The following ABLIM2 variants were observed in gnomAD, a reference collection of about 807,000 sequenced individuals.
ABLIM2 encodes actin-binding LIM protein 2.
ABLIM2 carries 53 observed loss-of-function variants against 97.7 expected under a neutral mutation model. The ratio of observed to expected loss-of-function variants is 0.54; its 90% CI spans 0.44 to 0.68. The LOEUF is 0.68. Among genes scored for constraint, ABLIM2 ranks in the 30% least tolerant of loss-of-function variants. The pLI is 0.00. For missense variants in ABLIM2, 835 were observed against 867.2 expected (o/e 0.96, Z 0.47); for synonymous variants, 361 against 345.8 (o/e 1.04, Z -0.49).
chr4:8,044,663 CACAG>C lies in ABLIM2; in HGVS notation c.900+497_900+500del, dbSNP rs375441786. On this transcript the variant is annotated intron_variant, in intron 9 of 20. Coordinates refer to ENST00000447017, the MANE Select transcript of ABLIM2 (RefSeq NM_001130083.2). This position sits in a 1 kb window ranked among gnomAD's most constrained non-coding sequence, Gnocchi z 4.4. ...ACAGACACACACACACACACACACACACAGAGTCTCTCTCTCTCTCTCTCTCTCG... is the reference window on the plus strand; with the variant it reads ...ACAGACACACACACACACACACACACAGTCTCTCTCTCTCTCTCTCTCTCG... 0.2 allele frequency among the ~76,000 whole-genome samples: 28,510 copies of C among 140,188 alleles called. 2,746 individuals are homozygous for C. The highest frequency in any genetic ancestry group is 0.32 in the Middle Eastern group (85 of 262). 92.0% of individuals were successfully genotyped at this position (140,188 alleles called of 152,430 possible).
In ABLIM2 at chr4:7,998,731, G is replaced by A. The variant is rs1215356273; in HGVS notation, c.1619-5804C>T. On this transcript the variant is annotated intron_variant, in intron 16 of 20. Coordinates refer to ENST00000447017, the MANE Select transcript of ABLIM2 (RefSeq NM_001130083.2). This position sits in a 1 kb window ranked among gnomAD's most constrained non-coding sequence, Gnocchi z 6.4. ...CTCCTGCCACTGCATGGGAGGCTGG[G>A]AGTCTGCTGGCCTGGGCCACCTCCT... The A allele has an allele frequency of 4.6e-5, 22 of 478,000 alleles. No homozygotes were observed. The Admixed American group carries it at 4.8e-4, about 10-fold the overall frequency. 29.6% of individuals were successfully genotyped at this position (478,000 alleles called of 1,614,324 possible). A position where few individuals can be genotyped will look rare whatever the true frequency, so the allele number is the denominator to read the frequency against.
intron 20 of ABLIM2, 69 bp downstream of exon 20, chr4:7,983,195 A>G: frequency 6.6e-7 from 1 of 1,505,868 alleles, no homozygotes; most frequent in Non-Finnish European, 9.1e-7. Context: ...CCTTGACACC[A>G]CGGAGGAGGC....
intron 14 of ABLIM2, among the ~76,000 whole-genome samples, chr4:8,010,122 CA>C (rs1387394405): frequency 6.6e-6 from 1 of 152,240 alleles, no homozygotes; most frequent in Non-Finnish European, 1.5e-5. Context: ...CATTTTGCAA[CA>C]GTTCCTTTAC....
At chr4:8,008,993 A>G (rs991113298) in intron 15 of ABLIM2, 57 bp downstream of exon 15, 24 of 1,603,480 alleles carry the variant, frequency 1.5e-5, no homozygotes, top group East Asian at 1.3e-4. Context: ...AGCCCTCACA[A>G]AAGCAATTTC....
At chr4:7,976,277 T>C (rs568044109) in intron 20 of ABLIM2, among the ~76,000 whole-genome samples, 20 of 152,232 alleles carry the variant, frequency 1.3e-4, no homozygotes, top group African/African-American at 4.6e-4. Flanking sequence ...CCCCTTCGAC[T>C]TCCCACAGAT....
intron 14 of ABLIM2, chr4:8,010,682 G>A (rs1044185019): frequency 4.6e-5 from 36 of 776,958 alleles, no homozygotes; most frequent in African/African-American, 1.9e-4. Flanking sequence ...AAAATACAAA[G>A]CCCTGCTCTC....
Position 8,033,703 on chromosome 4 carries a change from G to A in ABLIM2, c.1047+2446C>T, listed in dbSNP as rs1389734379. Among the ~76,000 whole-genome samples the A allele has an allele frequency of 6.6e-6, 1 of 152,216 alleles. No individual in the cohort carries two copies. The highest frequency in any genetic ancestry group is 1.5e-5 in the Non-Finnish European group (1 of 68,032). ...TCCTGCCCCTTCTCTGCCCTCTGGGGACAGGTCCTGGGGTCAGGATCATCC... is the reference window on the plus strand; with the variant it reads ...TCCTGCCCCTTCTCTGCCCTCTGGGAACAGGTCCTGGGGTCAGGATCATCC... On this transcript the variant is annotated intron_variant, in intron 10 of 20. Transcript: ENST00000447017. The surrounding 1 kb of genome is among the most constrained non-coding windows in gnomAD (Gnocchi z 4.5).
chr4:8,014,734 T>C (rs1050222090), intron 14 of ABLIM2, among the ~76,000 whole-genome samples: 1 of 152,134 alleles, frequency 6.6e-6, no homozygotes, highest in Admixed American at 6.6e-5. Context: ...CTTAAATCCC[T>C]CCATGCTGGG....
intron 16 of ABLIM2, chr4:8,007,672 C>T: frequency 9.9e-7 from 1 of 1,007,988 alleles, no homozygotes; most frequent in Non-Finnish European, 1.2e-6. Flanking sequence ...TCACCAACTC[C>T]AAGTCTGCAC....
chr4:8,048,764 A>T (rs1794183298), intron 8 of ABLIM2, among the ~76,000 whole-genome samples: 1 of 151,988 alleles, frequency 6.6e-6, no homozygotes, highest in Non-Finnish European at 1.5e-5. Flanking sequence ...TCCAAAGGAG[A>T]CCCACCTTGG....
chr4:8,050,856 T>C (rs1795562863), intron 8 of ABLIM2, among the ~76,000 whole-genome samples: 1 of 152,216 alleles, frequency 6.6e-6, no homozygotes, highest in Non-Finnish European at 1.5e-5. Flanking sequence ...CGCCGCCTCC[T>C]CCCTGTGTTG....
Position 8,158,665 on chromosome 4 carries a change from G to T in ABLIM2, c.10+15C>A. ...AGCGCGGGGACCCGTTGGTCCCTCG[G>T]TCCCCAGCACCCACCTGCACTCATC... is the stretch of plus-strand genomic sequence containing the variant. On this transcript the variant is annotated intron_variant, in intron 1 of 20. Coordinates refer to ENST00000447017, the MANE Select transcript of ABLIM2 (RefSeq NM_001130083.2). 1 of 1,503,738 alleles carries T rather than the reference G, an allele frequency of 6.7e-7. No individual in the cohort carries two copies. The highest frequency in any genetic ancestry group is 8.8e-7 in the Non-Finnish European group (1 of 1,131,286). 93.1% of individuals were successfully genotyped at this position (1,503,738 alleles called of 1,614,324 possible).
chr4:8,127,575 G>A lies in ABLIM2; in HGVS notation c.11-20938C>T. 1 of 1,289,790 alleles carries A rather than the reference G, an allele frequency of 7.8e-7. No homozygotes were observed. The highest frequency in any genetic ancestry group is 1.5e-5 in the African/African-American group (1 of 65,978). The allele number at this position is 1,289,790 out of a possible 1,614,324, so 79.9% of individuals were successfully genotyped here. ...TGTCTCCCCCTGGCACCCCCATGGA[G>A]CGTGGCTGCTTGCAAAGGGCCAGCG... is the stretch of plus-strand genomic sequence containing the variant. On this transcript the variant is annotated intron_variant, in intron 1 of 20. Transcript: ENST00000447017. This position sits in a 1 kb window ranked among gnomAD's most constrained non-coding sequence, Gnocchi z 7.3.
rs564629996 is a variant in ABLIM2 at position 8,140,147 on chromosome 4, G to A, written c.10+18533C>T. ...GCATCAGGATAAATAGCTAATGCAC[G>A]CAGGGCTCAATACCTTGGTGTGGGT... On this transcript the variant is annotated intron_variant, in intron 1 of 20. Coordinates refer to ENST00000447017, the MANE Select transcript of ABLIM2 (RefSeq NM_001130083.2). The surrounding 1 kb of genome is among the most constrained non-coding windows in gnomAD (Gnocchi z 5.9). Among the ~76,000 whole-genome samples, 9 of 151,942 alleles carry A rather than the reference G, an allele frequency of 5.9e-5. No homozygotes were observed. The highest frequency in any genetic ancestry group is 1.0e-4 in the Non-Finnish European group (7 of 67,988).
intron 9 of ABLIM2, among the ~76,000 whole-genome samples, chr4:8,036,812 C>T (rs572454296): frequency 2.2e-4 from 33 of 152,276 alleles, no homozygotes; most frequent in East Asian, 9.6e-4. Context: ...TGTACATGCA[C>T]GCACACGTAC....
rs760531559 is a variant in ABLIM2 at position 7,983,514 on chromosome 4, C to T, written c.1743+33G>A. The T allele has an allele frequency of 8.1e-6, 13 of 1,612,552 alleles. No individual in the cohort carries two copies. In the Middle Eastern group the frequency reaches 8.2e-4, roughly 102 times the overall value. On this transcript the variant is annotated intron_variant, in intron 19 of 20. Coordinates refer to ENST00000447017, the MANE Select transcript of ABLIM2 (RefSeq NM_001130083.2). ...TTTAACCTGGGCAGGTGTGGCGCGG[C>T]ACGGAGGTCAGTGTGGGAGCGGCCC...
At chr4:8,059,330 A>G (rs1801384489) in intron 7 of ABLIM2, among the ~76,000 whole-genome samples, 1 of 151,974 alleles carries the variant, frequency 6.6e-6, no homozygotes, top group Admixed American at 6.6e-5. Context: ...CAGACTCAGA[A>G]AAGCATTGAA....
At chr4:8,111,607 C>T (rs1561489947) in intron 1 of ABLIM2, among the ~76,000 whole-genome samples, 1 of 152,148 alleles carries the variant, frequency 6.6e-6, no homozygotes, top group East Asian at 1.9e-4. Context: ...AAGAGATGCT[C>T]TGAGAAATAA....
chr4:8,106,587 C>T lies in ABLIM2; in HGVS notation c.61G>A (p.Ala21Thr). 6.2e-7 allele frequency: 1 copy of T among 1,611,730 alleles called. No homozygotes were observed. Among genetic ancestry groups the T allele is most frequent in the Non-Finnish European group, 8.5e-7 (1 of 1,179,168 alleles). Residue 21 changes from alanine to threonine, a missense_variant, in exon 2 of 21, where the codon GCG becomes ACG. Coordinates refer to ENST00000447017, the MANE Select transcript of ABLIM2 (RefSeq NM_001130083.2). ...PSPLEKSPST[A>T]ILCNTCGNVC... ...TTCCCACACGTGTTGCACAGGATCG[C>T]CGTGCTGGGCGACTTCTCCAGCGGG...
Sources: allele counts gnomAD v4.1 joint callset (sites outside exome capture counted in the v4.1 genomes callset), GRCh38; gene constraint gnomAD v4.1.1; non-coding constraint Gnocchi (gnomAD v3.1); transcripts MANE v1.5; gene names NCBI Gene and HGNC (gene_info 2026-07-23, HGNC 2026-07-21).